SPATS2L: variants seen among roughly 807,000 people sequenced by gnomAD.
The protein encoded by SPATS2L is SPATS2-like protein.
A neutral mutation model predicts 59.6 loss-of-function variants in SPATS2L; 30 were observed. That is an observed-to-expected ratio of 0.50 (90% CI 0.38 to 0.68). The LOEUF (loss-of-function observed/expected upper bound fraction) is 0.68. SPATS2L is among the 30% of genes least tolerant of loss of function. The probability of loss-of-function intolerance (pLI) is 0.00; values close to 1 mark genes in which losing one functional copy is unlikely to be tolerated. For missense variants in SPATS2L, 615 were observed against 700.0 expected, an observed-to-expected ratio of 0.88 and a Z score of 1.37; for synonymous variants, 252 against 263.5, an observed-to-expected ratio of 0.96 and a Z score of 0.42.
chr2:200,474,425 G>C (rs930294124), intron 12 of SPATS2L, among the ~76,000 whole-genome samples: 4 of 151,732 alleles, frequency 2.6e-5, no homozygotes, highest in Non-Finnish European at 4.4e-5. Context: ...ACCAGGCTCA[G>C]CCTGCAGGGT....
chr2:200,354,216 G>A (rs1259491117), intron 2 of SPATS2L, among the ~76,000 whole-genome samples: 3 of 152,192 alleles, frequency 2.0e-5, no homozygotes, highest in Non-Finnish European at 4.4e-5. Flanking sequence ...AAGGGGTGTT[G>A]ATGTTCCTCG....
chr2:200,377,005 A>T (rs2081622524), intron 2 of SPATS2L, among the ~76,000 whole-genome samples: 1 of 152,236 alleles, frequency 6.6e-6, no homozygotes, highest in Non-Finnish European at 1.5e-5. Flanking sequence ...TCTCACCTGT[A>T]AAATGAGGAC....
intron 1 of SPATS2L, among the ~76,000 whole-genome samples, chr2:200,315,220 AATGTTTGGATAAG>A (rs2079328472): frequency 6.6e-6 from 1 of 152,212 alleles, no homozygotes; most frequent in East Asian, 1.9e-4. Flanking sequence ...AGAGGTATGA[AATGTTTGGATAAG>A]ATTCAGAATT....
chr2:200,427,365 C>T (rs1036053361), intron 6 of SPATS2L, among the ~76,000 whole-genome samples: 2 of 151,122 alleles, frequency 1.3e-5, no homozygotes, highest in Non-Finnish European at 3.0e-5. Flanking sequence ...AAATTAAAAA[C>T]TTTTTTTTAA....
chr2:200,482,207 A>G lies in SPATS2L; in HGVS notation c.*4176A>G, dbSNP rs1359489835. The G allele has an allele frequency of 1.3e-5, 2 of 152,240 alleles. No individual in the cohort carries two copies. The highest frequency in any genetic ancestry group is 2.4e-5 in the African/African-American group (1 of 41,464). The allele number at this position is 152,240 out of a possible 1,614,324, so 9.4% of individuals were successfully genotyped here. On this transcript the variant is annotated 3_prime_UTR_variant, in exon 13 of 13. Transcript: ENST00000409140. The stretch of plus-strand genomic sequence containing the variant: ...AAATGTAATTTAAATACTATTCTTT[A>G]CAATCCATTATAAGGATTTTAAAAT...
At chr2:200,383,804 A>G in intron 2 of SPATS2L, 1 of 864,810 alleles carries the variant, frequency 1.2e-6, no homozygotes, top group Non-Finnish European at 1.4e-6. Context: ...AACCTTGAAA[A>G]TTTTGTTAAA....
At chr2:200,422,822 GA>G (rs1258903610) in intron 6 of SPATS2L, among the ~76,000 whole-genome samples, 1 of 152,030 alleles carries the variant, frequency 6.6e-6, no homozygotes, top group Non-Finnish European at 1.5e-5. Context: ...GGCACAATAA[GA>G]GATTAAAAAT....
chr2:200,334,180 T>G (rs1317293771), intron 2 of SPATS2L, among the ~76,000 whole-genome samples: 2 of 152,192 alleles, frequency 1.3e-5, no homozygotes, highest in Non-Finnish European at 2.9e-5. Context: ...TCCTGACTTT[T>G]TAATGATCGC....
intron 2 of SPATS2L, among the ~76,000 whole-genome samples, chr2:200,345,894 G>A (rs183691265): frequency 2.0e-5 from 3 of 152,278 alleles, no homozygotes; most frequent in Admixed American, 6.5e-5. Flanking sequence ...AGCTTCAGCC[G>A]TAGGTGGGAA....
At position 200,322,963 on chromosome 2, in the gene SPATS2L, T is replaced by C. The variant is rs1286359272; in HGVS notation, c.-72-6468T>C. ...GCCTTTGAGCTTGCTCATTTTTGTC[T>C]TAGGATTATTCTGGTTTCCCTCCAG... is the stretch of plus-strand genomic sequence containing the variant. On this transcript the variant is annotated intron_variant, in intron 1 of 12. Transcript: ENST00000409140. Among the ~76,000 whole-genome samples the C allele has an allele frequency of 3.9e-5, 6 of 152,322 alleles. No homozygotes were observed. In the East Asian group the frequency reaches 1.2e-3, roughly 29 times the overall value.
intron 6 of SPATS2L, 144 bp from the exon 7 acceptor site, chr2:200,438,978 T>C (rs2084497296): frequency 1.5e-6 from 1 of 656,736 alleles, no homozygotes; most frequent in African/African-American, 1.8e-5. Flanking sequence ...GGGGATTCTT[T>C]TAAAACAGTT....
intron 3 of SPATS2L, among the ~76,000 whole-genome samples, chr2:200,394,310 G>A (rs2082263259): frequency 6.6e-6 from 1 of 152,140 alleles, no homozygotes; most frequent in Admixed American, 6.5e-5. Context: ...TGCAAAGGCT[G>A]TTTCCTCTGT....
At chr2:200,475,459 G>A (rs2087441222) in intron 12 of SPATS2L, among the ~76,000 whole-genome samples, 1 of 152,212 alleles carries the variant, frequency 6.6e-6, no homozygotes, top group African/African-American at 2.4e-5. Flanking sequence ...GCGGACAACT[G>A]GGAGCGAGGA....
intron 2 of SPATS2L, chr2:200,372,055 G>A (rs1439306487): frequency 2.2e-5 from 22 of 985,318 alleles, no homozygotes; most frequent in African/African-American, 5.2e-5. Flanking sequence ...ACTTCTGAGA[G>A]TGTGCCTTGT....
chr2:200,398,862 G>T (rs1413152928), intron 3 of SPATS2L, among the ~76,000 whole-genome samples: 1 of 150,086 alleles, frequency 6.7e-6, no homozygotes, highest in Non-Finnish European at 1.5e-5. Flanking sequence ...TAACCTCTCA[G>T]TATGTCAGTT....
At chr2:200,390,733 C>G (rs537070230) in intron 3 of SPATS2L, 2 of 152,064 alleles carry the variant, frequency 1.3e-5, no homozygotes, top group South Asian at 4.2e-4. Context: ...CCGTGGATCT[C>G]CAAGGGATCG....
chr2:200,474,646 A>C (rs1431736478), intron 12 of SPATS2L, among the ~76,000 whole-genome samples: 2 of 152,192 alleles, frequency 1.3e-5, no homozygotes, highest in African/African-American at 4.8e-5. Flanking sequence ...TAAGTCTAAA[A>C]TTTAGTCTAA....
chr2:200,329,846 T>C (rs2079877051), intron 2 of SPATS2L, among the ~76,000 whole-genome samples: 1 of 151,018 alleles, frequency 6.6e-6, no homozygotes, highest in Non-Finnish European at 1.5e-5. Context: ...TGGCTAAGAG[T>C]GGTGGGCTCT....
At chr2:200,314,415 G>T (rs552985795) in intron 1 of SPATS2L, among the ~76,000 whole-genome samples, 1 of 152,076 alleles carries the variant, frequency 6.6e-6, no homozygotes, top group Non-Finnish European at 1.5e-5. Context: ...CAGTAGCCTC[G>T]CAACTGGTCT....
Sources: gnomAD v4.1 joint callset for allele counts (sites outside exome capture counted in the v4.1 genomes callset) on GRCh38, gnomAD v4.1.1 for gene constraint, MANE v1.5 for transcripts, NCBI Gene and HGNC (gene_info 2026-07-23, HGNC 2026-07-21) for gene names.